The following BACH2 variants were observed in gnomAD, a reference collection of about 807,000 sequenced individuals.
The protein encoded by BACH2 is transcription regulator protein BACH2.
A neutral mutation model predicts 61.8 loss-of-function variants in BACH2; 5 were observed. The observed-to-expected ratio is 0.08, with a 90% CI of 0.04 to 0.17. The LOEUF (loss-of-function observed/expected upper bound fraction) is 0.17, where lower values mean the gene tolerates loss of function less well. Ranked by LOEUF, BACH2 falls within the 10% of genes least tolerant of loss-of-function variation. The pLI is 1.00. For synonymous variants in BACH2, 446 were observed against 440.1 expected, an observed-to-expected ratio of 1.01 and a Z score of -0.17; for missense variants, 824 against 1,091.1, an observed-to-expected ratio of 0.76 and a Z score of 3.45.
At chr6:90,208,029 T>C (rs1769210804) in intron 3 of BACH2, among the ~76,000 whole-genome samples, 1 of 152,208 alleles carries the variant, frequency 6.6e-6, no homozygotes, top group African/African-American at 2.4e-5. Flanking sequence ...CTTGGCTATT[T>C]GAAATACAGA....
At chr6:90,018,770 G>A (rs1456861248) in intron 5 of BACH2, among the ~76,000 whole-genome samples, 1 of 152,144 alleles carries the variant, frequency 6.6e-6, no homozygotes, top group Admixed American at 6.5e-5. Context: ...AAATATTTGT[G>A]AGGTTTGTTA....
At chr6:90,213,971 T>G (rs1769442510) in intron 3 of BACH2, among the ~76,000 whole-genome samples, 1 of 152,076 alleles carries the variant, frequency 6.6e-6, no homozygotes, top group Non-Finnish European at 1.5e-5. Context: ...ATACTGAAGT[T>G]TTTTCTTAAG....
chr6:90,147,557 C>T (rs534664087), intron 4 of BACH2, among the ~76,000 whole-genome samples: 27 of 152,268 alleles, frequency 1.8e-4, no homozygotes, highest in African/African-American at 6.3e-4. Flanking sequence ...GCAAGGCCAA[C>T]CCACCTAGTC....
intron 3 of BACH2, among the ~76,000 whole-genome samples, chr6:90,223,556 C>T (rs1173248096): frequency 1.3e-5 from 2 of 152,084 alleles, no homozygotes; most frequent in Non-Finnish European, 1.5e-5. Flanking sequence ...GCAGCCTCGA[C>T]CTCCTGGGCT....
At chr6:89,934,845 G>C (rs1399472701) in intron 8 of BACH2, among the ~76,000 whole-genome samples, 7 of 152,026 alleles carry the variant, frequency 4.6e-5, no homozygotes, top group Non-Finnish European at 8.8e-5. Context: ...GGGAGGAGCA[G>C]GCATGCGACA....
At chr6:89,992,466 C>A (rs559431704) in intron 6 of BACH2, among the ~76,000 whole-genome samples, 1 of 152,140 alleles carries the variant, frequency 6.6e-6, no homozygotes, top group South Asian at 2.1e-4. Context: ...CATGGAAAAA[C>A]CCCATCTCTA....
At chr6:90,014,469 T>TATATATATATATA (rs540765610) in intron 5 of BACH2, among the ~76,000 whole-genome samples, 2 of 35,714 alleles carry the variant, frequency 5.6e-5, no homozygotes, top group African/African-American at 3.2e-4. Context: ...TATATATATA[T>TATATATATATATA]TTTTTTTTTT....
At chr6:90,243,188 C>G (rs1428884835) in intron 3 of BACH2, among the ~76,000 whole-genome samples, 1 of 151,810 alleles carries the variant, frequency 6.6e-6, no homozygotes, top group African/African-American at 2.4e-5. Context: ...GCCAATGTGC[C>G]CGGCCCAAAT....
rs1772489170 is a variant in BACH2, at chr6:89,928,887, TCTAA to T, written c.*3517_*3520del. The T allele has an allele frequency of 6.6e-6, 1 of 152,168 alleles. No individual in the cohort carries two copies. Among genetic ancestry groups the T allele is most frequent in the East Asian group, 1.9e-4 (1 of 5,294 alleles). The allele number at this position is 152,168 out of a possible 1,614,324, so 9.4% of individuals were successfully genotyped here. On this transcript the variant is annotated 3_prime_UTR_variant, in exon 9 of 9. Transcript: ENST00000257749. Reference sequence around the variant, plus strand: ...TCGGTTTTTTTTTTTTTAAAGTTTTTCTAACTGTTTTGTTCCAGAATCAGTATGT... The same window carrying T: ...TCGGTTTTTTTTTTTTTAAAGTTTTTCTGTTTTGTTCCAGAATCAGTATGT...
chr6:90,028,077 T>G (rs960343378), intron 5 of BACH2, among the ~76,000 whole-genome samples: 7 of 152,294 alleles, frequency 4.6e-5, no homozygotes, highest in African/African-American at 1.7e-4. Context: ...TTCTGGTACT[T>G]GCTGGCAACT....
intron 2 of BACH2, among the ~76,000 whole-genome samples, chr6:90,255,571 G>T (rs1335217257): frequency 6.6e-6 from 1 of 152,078 alleles, no homozygotes; most frequent in Non-Finnish European, 1.5e-5. Flanking sequence ...AATGATTTAA[G>T]GGAAGAGAAG....
At chr6:89,940,569 G>T (rs1048246630) in intron 7 of BACH2, among the ~76,000 whole-genome samples, 1 of 152,194 alleles carries the variant, frequency 6.6e-6, no homozygotes, top group Non-Finnish European at 1.5e-5. Context: ...AAGAGACAAC[G>T]TGTGGGTTAG....
At chr6:90,230,981 G>C (rs564727541) in intron 3 of BACH2, among the ~76,000 whole-genome samples, 105 of 152,234 alleles carry the variant, frequency 6.9e-4, no homozygotes, top group Non-Finnish European at 1.3e-3. Flanking sequence ...AGGCCAATGT[G>C]GGGGATGAGG....
chr6:90,042,466 C>T (rs1779583324), intron 5 of BACH2, among the ~76,000 whole-genome samples: 1 of 151,858 alleles, frequency 6.6e-6, no homozygotes, highest in African/African-American at 2.4e-5. Flanking sequence ...TCCCAAAGTG[C>T]TGGAATTACA....
intron 8 of BACH2, among the ~76,000 whole-genome samples, chr6:89,937,796 G>A (rs1476282661): frequency 1.3e-5 from 2 of 152,204 alleles, no homozygotes; most frequent in African/African-American, 2.4e-5. Context: ...CTTTCAAAGT[G>A]CTAGGATTAC....
At chr6:90,296,116 C>T (rs1207597043) in intron 1 of BACH2, among the ~76,000 whole-genome samples, 2 of 152,124 alleles carry the variant, frequency 1.3e-5, no homozygotes, top group South Asian at 4.1e-4. Context: ...CGCGCGCCTC[C>T]TGCAGCCCGC....
intron 5 of BACH2, among the ~76,000 whole-genome samples, chr6:90,026,126 T>C (rs1366422612): frequency 1.3e-5 from 2 of 152,070 alleles, no homozygotes; most frequent in African/African-American, 2.4e-5. Flanking sequence ...AGACAACAGA[T>C]AGTCAAATGC....
intron 5 of BACH2, among the ~76,000 whole-genome samples, chr6:90,065,757 CT>C (rs1357475572): frequency 2.0e-5 from 3 of 152,158 alleles, no homozygotes; most frequent in Non-Finnish European, 4.4e-5. Flanking sequence ...CTAATGCTAA[CT>C]GATGAAAATG....
At chr6:90,149,687 C>A (rs1251577392) in intron 4 of BACH2, among the ~76,000 whole-genome samples, 1 of 152,206 alleles carries the variant, frequency 6.6e-6, no homozygotes, top group Non-Finnish European at 1.5e-5. Context: ...TTACAAAAAT[C>A]CAATTGCTGG....
Sources: gnomAD v4.1 joint callset for allele counts (sites outside exome capture counted in the v4.1 genomes callset) on GRCh38, gnomAD v4.1.1 for gene constraint, MANE v1.5 for transcripts, NCBI Gene and HGNC (gene_info 2026-07-23, HGNC 2026-07-21) for gene names.